YARS1: variants seen among roughly 807,000 people sequenced by gnomAD.
YARS1 encodes tyrosine--tRNA ligase, cytoplasmic.
In YARS1, 36 loss-of-function variants were observed where a neutral mutation model predicts 62.2. That is an observed-to-expected ratio of 0.58 (90% CI 0.44 to 0.76). The LOEUF is 0.76. Ranked by LOEUF, YARS1 falls within the 30% of genes least tolerant of loss-of-function variation. The pLI, the probability that YARS1 is intolerant of heterozygous loss-of-function variation, is 0.00. For synonymous variants in YARS1, 234 were observed against 244.9 expected (o/e 0.96, Z 0.42); for missense variants, 524 against 639.8 (o/e 0.82, Z 1.95).
chr1:32,817,196 T>G lies in YARS1; in HGVS notation c.49A>C (p.Asn17His). ...PEEKLHLITR[N>H]LQEVLGEEKL... is the part of the protein sequence containing the mutation. ...CAACCCCCAGGCCTGACCTGCAGGT[T>G]CCGGGTGATAAGGTGCAGTTTCTCT... The change falls in exon 1 of 13, where the codon AAC becomes CAC. Residue 17 changes from asparagine (N) to histidine (H), a missense_variant. Asn to His is a moderately conservative substitution (Grantham distance 68). Coordinates refer to ENST00000373477, the MANE Select transcript of YARS1 (RefSeq NM_003680.4). The G allele has an allele frequency of 6.2e-7, 1 of 1,614,192 alleles. No individual in the cohort carries two copies. Among genetic ancestry groups the G allele is most frequent in the East Asian group, 2.2e-5 (1 of 44,884 alleles).
At chr1:32,811,098 CACCTTGCTCATCCTTT>C (rs746960649) in intron 1 of YARS1, 41 bp from the exon 2 acceptor site, 14 of 1,612,862 alleles carry the variant, frequency 8.7e-6, no homozygotes, top group Non-Finnish European at 1.2e-5. Flanking sequence ...GTCAGTGCCT[CACCTTGCTCATCCTTT>C]ACCATGTGAC....
chr1:32,802,462 G>C (rs1638325526), intron 4 of YARS1, among the ~76,000 whole-genome samples: 1 of 151,866 alleles, frequency 6.6e-6, no homozygotes, highest in African/African-American at 2.4e-5. Context: ...AGATCCATCG[G>C]AGGAGTCACT....
chr1:32,813,455 A>T (rs540009553), intron 1 of YARS1, among the ~76,000 whole-genome samples: 5 of 152,314 alleles, frequency 3.3e-5, no homozygotes, highest in Non-Finnish European at 5.9e-5. Context: ...AGTAGCTGAG[A>T]TTACAGGCGT....
rs962700279 is a variant in YARS1 at position 32,775,374 on chromosome 1, C to T, written c.*607G>A. 6.5e-6 allele frequency: 1 copy of T among 153,942 alleles called. No individual in the cohort carries two copies. The highest frequency in any genetic ancestry group is 2.4e-5 in the African/African-American group (1 of 41,456). The allele number at this position is 153,942 out of a possible 1,614,324, so 9.5% of individuals were successfully genotyped here. ...CATTCTGCCTGATGCTAACAACACG[C>T]AGCTGATTTAGGGAGTGTCCCAGCC... On this transcript the variant is annotated 3_prime_UTR_variant, in exon 13 of 13. Coordinates refer to ENST00000373477, the MANE Select transcript of YARS1 (RefSeq NM_003680.4).
chr1:32,806,439 A>T (rs2148614895), intron 4 of YARS1, 43 bp downstream of exon 4: 2 of 1,613,110 alleles, frequency 1.2e-6, no homozygotes, highest in East Asian at 2.2e-5. Flanking sequence ...TCATCAAACC[A>T]GAGCAGAAAA....
chr1:32,795,054 T>C (rs1653536102), intron 5 of YARS1, among the ~76,000 whole-genome samples: 1 of 137,678 alleles, frequency 7.3e-6, no homozygotes, highest in Non-Finnish European at 1.5e-5. Flanking sequence ...GCGCGGTGGC[T>C]CACGCTTGTA....
rs550426715 is a variant in YARS1 at position 32,815,568 on chromosome 1, C to T, written c.57+1620G>A. On this transcript the variant is annotated intron_variant, in intron 1 of 12. Transcript: ENST00000373477. ...CGGATAAACAAAATGTATATCCATA[C>T]AACAGAGTATCATTCAACCATAAAA... 2.0e-5 allele frequency among the ~76,000 whole-genome samples: 3 copies of T among 152,296 alleles called. 1 individual carries two copies. In the South Asian group the frequency reaches 6.2e-4, roughly 32 times the overall value.
At chr1:32,792,930 G>C (rs1166410963) in intron 5 of YARS1, among the ~76,000 whole-genome samples, 1 of 151,076 alleles carries the variant, frequency 6.6e-6, no homozygotes, top group Non-Finnish European at 1.5e-5. Flanking sequence ...AAGAAAATAA[G>C]AGTACATAGG....
Position 32,812,293 on chromosome 1 carries a change from G to A in YARS1, c.58-1236C>T, listed in dbSNP as rs188965299. On this transcript the variant is annotated intron_variant, in intron 1 of 12. Coordinates refer to ENST00000373477, the MANE Select transcript of YARS1 (RefSeq NM_003680.4). The stretch of plus-strand genomic sequence containing the variant: ...CTCCCAAAGTGCTGGGATTATAGGC[G>A]TGAGCCACCCCACCTGGTGATCCTC... Among the ~76,000 whole-genome samples the A allele has an allele frequency of 1.4e-4, 21 of 152,274 alleles. No homozygotes were observed. In the East Asian group the frequency reaches 2.1e-3, roughly 15 times the overall value.
intron 3 of YARS1, among the ~76,000 whole-genome samples, chr1:32,809,930 A>G (rs755818231): frequency 1.3e-5 from 2 of 152,016 alleles, no homozygotes; most frequent in Non-Finnish European, 2.9e-5. Context: ...ACATGGTGAA[A>G]CTCTGTCTCT....
intron 4 of YARS1, among the ~76,000 whole-genome samples, chr1:32,805,704 A>G (rs1193284222): frequency 1.3e-5 from 2 of 152,268 alleles, no homozygotes; most frequent in African/African-American, 4.8e-5. Flanking sequence ...GCTCACGTCT[A>G]TAATCCCAGC....
intron 1 of YARS1, chr1:32,816,763 C>T: frequency 5.3e-6 from 1 of 188,364 alleles, no homozygotes; most frequent in Non-Finnish European, 1.1e-5. Context: ...GGAAGCCTTC[C>T]CTTCTCTCTT....
In YARS1 at chr1:32,779,477, AGCCT is replaced by A; in HGVS notation, c.1377_1380del (p.Gly460LeufsTer9). On this transcript the variant is annotated frameshift_variant, in exon 12 of 13. Coordinates refer to ENST00000373477, the MANE Select transcript of YARS1 (RefSeq NM_003680.4). LOFTEE classifies it high-confidence loss of function. ...ACAAACACGTGCTCACCAGGAGCAG[AGCCT>A]GCCGGAGGGTCCAGAGGTTCAACCT... 6.2e-7 allele frequency: 1 copy of A among 1,614,210 alleles called. No homozygotes were observed. Among genetic ancestry groups the A allele is most frequent in the Non-Finnish European group, 8.5e-7 (1 of 1,180,040 alleles).
chr1:32,786,657 T>C (rs1653238692), intron 7 of YARS1: 1 of 705,360 alleles, frequency 1.4e-6, no homozygotes, highest in African/African-American at 1.8e-5. Flanking sequence ...TTGTGGCTTA[T>C]ATCTATTTTG....
At chr1:32,800,959 ATTTGT>A (rs1176090991) in intron 4 of YARS1, among the ~76,000 whole-genome samples, 3 of 152,190 alleles carry the variant, frequency 2.0e-5, no homozygotes, top group African/African-American at 4.8e-5. Context: ...TAAAACATGT[ATTTGT>A]TTTAACAGAA....
At position 32,810,949 on chromosome 1, in the gene YARS1, T is replaced by C. The variant is rs141115281; in HGVS notation, c.166A>G (p.Met56Val). The C allele has an allele frequency of 2.8e-5, 45 of 1,614,072 alleles. No homozygotes were observed. Among genetic ancestry groups the C allele is most frequent in the African/African-American group, 8.0e-5 (6 of 74,924 alleles). ...GKPHVAYFVP[M>V]SKIADFLKAG... ...TTTAAGAAGTCTGCAATCTTTGACA[T>C]GGGCACAAAGTAAGCCACATGTGGT... Residue 56 changes from methionine to valine, a missense_variant, in exon 2 of 13, where the codon ATG becomes GTG. Physicochemically the swap from Met to Val is conservative, Grantham distance 21. Coordinates refer to ENST00000373477, the MANE Select transcript of YARS1 (RefSeq NM_003680.4).
intron 6 of YARS1, among the ~76,000 whole-genome samples, chr1:32,788,347 A>G (rs187030002): frequency 6.6e-6 from 1 of 152,112 alleles, no homozygotes; most frequent in South Asian, 2.1e-4. Flanking sequence ...AACTCCTGCC[A>G]TTAAGTGATC....
chr1:32,787,340 T>G (rs2148604334), intron 6 of YARS1, among the ~76,000 whole-genome samples: 1 of 151,992 alleles, frequency 6.6e-6, no homozygotes, highest in African/African-American at 2.4e-5. Flanking sequence ...TGGCCCAGGC[T>G]GGTCTCAAAC....
intron 5 of YARS1, 162 bp downstream of exon 5, chr1:32,797,601 T>C (rs1319913024): frequency 1.0e-5 from 7 of 684,594 alleles, no homozygotes; most frequent in Non-Finnish European, 1.8e-5. Context: ...CTGTGTGATA[T>C]TGGACAACTT....
Sources: allele counts gnomAD v4.1 joint callset (sites outside exome capture counted in the v4.1 genomes callset), GRCh38; gene constraint gnomAD v4.1.1; transcripts MANE v1.5; gene names NCBI Gene and HGNC (gene_info 2026-07-23, HGNC 2026-07-21).